Variants in NALF1 observed in about 807,000 individuals in gnomAD.
NALF1 encodes family with sequence similarity 155 member A.
Under a neutral mutation model 48.4 loss-of-function variants are expected in NALF1, and 3 were observed. That is an observed-to-expected ratio of 0.06 (90% confidence interval 0.03 to 0.16). The LOEUF is 0.16. NALF1 is among the 10% of genes least tolerant of loss of function. NALF1 has a pLI of 1.00. For synonymous variants in NALF1, 262 were observed against 245.7 expected (o/e 1.07, Z -0.62); for missense variants, 526 against 571.5 (o/e 0.92, Z 0.81).
chr13:107,837,560 C>A (rs1019709145), intron 1 of NALF1, among the ~76,000 whole-genome samples: 1 of 152,118 alleles, frequency 6.6e-6, no homozygotes, highest in Non-Finnish European at 1.5e-5. Context: ...GGACATAATG[C>A]ACAATGGTCC....
chr13:107,315,599 T>C (rs954573293), intron 1 of NALF1, among the ~76,000 whole-genome samples: 2 of 152,076 alleles, frequency 1.3e-5, no homozygotes, highest in African/African-American at 4.8e-5. Flanking sequence ...TTCCTTTTTT[T>C]TGATTTTCTT....
intron 1 of NALF1, among the ~76,000 whole-genome samples, chr13:107,822,059 T>A (rs1410015432): frequency 1.4e-5 from 2 of 143,846 alleles, no homozygotes; most frequent in African/African-American, 3.0e-5. Context: ...CAACTATGTC[T>A]CTCTCTTAGA....
intron 1 of NALF1, among the ~76,000 whole-genome samples, chr13:107,437,380 A>G (rs1884480396): frequency 6.6e-6 from 1 of 152,202 alleles, no homozygotes; most frequent in African/African-American, 2.4e-5. Context: ...CAGTTTTTCC[A>G]TACTTAAGTA....
chr13:107,631,031 G>C (rs1879821168), intron 1 of NALF1, among the ~76,000 whole-genome samples: 1 of 152,034 alleles, frequency 6.6e-6, no homozygotes, highest in African/African-American at 2.4e-5. Flanking sequence ...TTTAGAGACA[G>C]GGTTTCCCTC....
chr13:107,862,670 T>C (rs1474531944), intron 1 of NALF1, among the ~76,000 whole-genome samples: 5 of 152,020 alleles, frequency 3.3e-5, no homozygotes, highest in African/African-American at 1.2e-4. Context: ...CAGAAGTACA[T>C]CCAATCTATA....
At chr13:107,506,020 A>G (rs1279602017) in intron 1 of NALF1, among the ~76,000 whole-genome samples, 1 of 152,134 alleles carries the variant, frequency 6.6e-6, no homozygotes, top group East Asian at 1.9e-4. Context: ...TTTATGGGTA[A>G]TTTACTTGAT....
intron 1 of NALF1, among the ~76,000 whole-genome samples, chr13:107,529,593 G>T (rs1876558272): frequency 6.6e-6 from 1 of 152,124 alleles, no homozygotes; most frequent in Admixed American, 6.6e-5. Context: ...CAGATAAAAG[G>T]CCAGCAAGGC....
At chr13:107,508,936 G>C (rs370901191) in intron 1 of NALF1, among the ~76,000 whole-genome samples, 63 of 152,192 alleles carry the variant, frequency 4.1e-4, no homozygotes, top group African/African-American at 1.4e-3. Flanking sequence ...CCTTTTGTTA[G>C]AGAACACTGT....
At chr13:107,421,723 T>C (rs955745090) in intron 1 of NALF1, among the ~76,000 whole-genome samples, 6 of 152,174 alleles carry the variant, frequency 3.9e-5, no homozygotes, top group African/African-American at 1.4e-4. Flanking sequence ...GTCCCCTTGG[T>C]AGACTTGGTG....
chr13:107,618,188 T>C (rs772135228), intron 1 of NALF1, among the ~76,000 whole-genome samples: 1 of 149,706 alleles, frequency 6.7e-6, no homozygotes, highest in Non-Finnish European at 1.5e-5. Context: ...AGAAAAGAGA[T>C]TTCAGCTGAG....
intron 1 of NALF1, among the ~76,000 whole-genome samples, chr13:107,376,835 G>C (rs1883347950): frequency 6.6e-6 from 1 of 152,162 alleles, no homozygotes; most frequent in Non-Finnish European, 1.5e-5. Flanking sequence ...GGAGAGAATT[G>C]CACAGCCCAG....
chr13:107,804,875 A>G (rs1292300817), intron 1 of NALF1, among the ~76,000 whole-genome samples: 3 of 152,218 alleles, frequency 2.0e-5, no homozygotes, highest in Non-Finnish European at 1.5e-5. Flanking sequence ...TGAACAAGAA[A>G]TAGAAAACAA....
intron 1 of NALF1, among the ~76,000 whole-genome samples, chr13:107,520,266 T>G (rs80290902): frequency 0.056 from 8,581 of 152,256 alleles, 279 homozygotes; most frequent in African/African-American, 0.062. Flanking sequence ...GGTTCTCTGA[T>G]GAAGATTTTC....
chr13:107,715,577 G>C (rs917669849), intron 1 of NALF1, among the ~76,000 whole-genome samples: 3 of 152,334 alleles, frequency 2.0e-5, no homozygotes. Context: ...GGCTATGGCA[G>C]AGTTGGAGTG....
chr13:107,319,934 A>T (rs1882221832), intron 1 of NALF1, among the ~76,000 whole-genome samples: 1 of 152,146 alleles, frequency 6.6e-6, no homozygotes, highest in African/African-American at 2.4e-5. Flanking sequence ...TGGAATGACC[A>T]CAAGGCCAAT....
rs112609026 is a variant in NALF1 at position 107,793,158 on chromosome 13, T to C, written c.915+72524A>G. 1.5e-3 allele frequency among the ~76,000 whole-genome samples: 227 copies of C among 152,266 alleles called. 1 individual carries two copies. The highest frequency in any genetic ancestry group is 5.3e-3 in the African/African-American group (219 of 41,578). The stretch of plus-strand genomic sequence containing the variant: ...GAGACAGTTGAAGGAATACAGAAAA[T>C]AATCAGAAAGCTTGTTCTGTGCCCT... On this transcript the variant is annotated intron_variant, in intron 1 of 2. Transcript: ENST00000375915.
chr13:107,853,032 T>C (rs541871758), intron 1 of NALF1, among the ~76,000 whole-genome samples: 8 of 145,884 alleles, frequency 5.5e-5, no homozygotes, highest in African/African-American at 2.2e-4. Context: ...TTTGAGTGAA[T>C]ATGATTTTTT....
intron 1 of NALF1, among the ~76,000 whole-genome samples, chr13:107,690,150 T>G (rs886217054): frequency 6.6e-6 from 1 of 152,236 alleles, no homozygotes; most frequent in Non-Finnish European, 1.5e-5. Flanking sequence ...ATTAGAGAAC[T>G]GTTTGAGAGT....
At chr13:107,668,799 G>A (rs1223967544) in intron 1 of NALF1, among the ~76,000 whole-genome samples, 2 of 151,822 alleles carry the variant, frequency 1.3e-5, no homozygotes, top group Admixed American at 6.6e-5. Flanking sequence ...TTATAATTTA[G>A]TTATGGTTCA....
Sources: allele counts gnomAD v4.1 joint callset (sites outside exome capture counted in the v4.1 genomes callset), GRCh38; gene constraint gnomAD v4.1.1; transcripts MANE v1.5; gene names NCBI Gene and HGNC (gene_info 2026-07-23, HGNC 2026-07-21).